The following CDH4 variants were observed in gnomAD, a reference collection of about 807,000 sequenced individuals.
CDH4 encodes cadherin 4.
In CDH4, 33 loss-of-function variants were observed where a neutral mutation model predicts 86.0. The ratio of observed to expected loss-of-function variants is 0.38; its 90% confidence interval spans 0.29 to 0.51. CDH4 has a LOEUF of 0.51. Among genes scored for constraint, CDH4 ranks in the 20% least tolerant of loss-of-function variants. The pLI is 0.86. For missense variants in CDH4, 1,114 were observed against 1,307.4 expected, an observed-to-expected ratio of 0.85 and a Z score of 2.28; for synonymous variants, 555 against 549.4, an observed-to-expected ratio of 1.01 and a Z score of -0.14.
In CDH4 at chr20:61,676,110, A is replaced by G. The variant is rs1255015441; in HGVS notation, c.170-67453A>G. ...TCAGCGAGGACCGAGTGTGGGGTCC[A>G]AGGTCTGAGACTTAATTCCAGGTTC... On this transcript the variant is annotated intron_variant, in intron 2 of 15. Coordinates refer to ENST00000614565, the MANE Select transcript of CDH4 (RefSeq NM_001794.5). This position sits in a 1 kb window ranked among gnomAD's most constrained non-coding sequence, Gnocchi z 4.5. Among the ~76,000 whole-genome samples the G allele has an allele frequency of 6.6e-6, 1 of 152,198 alleles. No homozygotes were observed. The highest frequency in any genetic ancestry group is 1.5e-5 in the Non-Finnish European group (1 of 68,022).
intron 2 of CDH4, chr20:61,719,083 G>A (rs73915369): frequency 0.011 from 4,990 of 471,130 alleles, 139 homozygotes; most frequent in African/African-American, 0.068. Flanking sequence ...GCTGGCGAAA[G>A]CAAATGATCA....
At chr20:61,332,149 C>T (rs1288124494) in intron 2 of CDH4, among the ~76,000 whole-genome samples, 9 of 152,158 alleles carry the variant, frequency 5.9e-5, no homozygotes, top group African/African-American at 2.2e-4. Flanking sequence ...TCAGTCACAC[C>T]CCCTCTGCCA....
intron 2 of CDH4, among the ~76,000 whole-genome samples, chr20:61,534,923 A>G (rs2085985523): frequency 6.6e-6 from 1 of 151,498 alleles, no homozygotes; most frequent in South Asian, 2.2e-4. Flanking sequence ...CCTTTGGAGC[A>G]GCCTCTGGTG....
At chr20:61,600,379 T>C (rs2086590591) in intron 2 of CDH4, among the ~76,000 whole-genome samples, 1 of 152,222 alleles carries the variant, frequency 6.6e-6, no homozygotes, top group Non-Finnish European at 1.5e-5. Flanking sequence ...CATGTTGTGA[T>C]TGAGGACACA....
At chr20:61,411,604 A>G (rs990206766) in intron 2 of CDH4, among the ~76,000 whole-genome samples, 1 of 151,968 alleles carries the variant, frequency 6.6e-6, no homozygotes, top group Non-Finnish European at 1.5e-5. Flanking sequence ...ACATTCAAAC[A>G]TGGCCTGCCA....
rs531526974 is a variant in CDH4 at position 61,586,480 on chromosome 20, G to C, written c.170-157083G>C. ...ATTGTGTTTCTGTGGCCTCCAGCCA[G>C]GGAGTGCCTGAGGGGGTGTTAAGGT... On this transcript the variant is annotated intron_variant, in intron 2 of 15. Coordinates refer to ENST00000614565, the MANE Select transcript of CDH4 (RefSeq NM_001794.5). 3.0e-4 allele frequency among the ~76,000 whole-genome samples: 46 copies of C among 152,332 alleles called. 1 individual carries two copies. The highest frequency in any genetic ancestry group is 1.0e-3 in the African/African-American group (43 of 41,574).
At chr20:61,426,479 T>C (rs2085215973) in intron 2 of CDH4, among the ~76,000 whole-genome samples, 2 of 152,160 alleles carry the variant, frequency 1.3e-5, no homozygotes, top group Admixed American at 6.5e-5. Context: ...GTAGGTAGAC[T>C]CTGGGTGACT....
At chr20:61,846,884 C>A (rs2146104997) in intron 5 of CDH4, among the ~76,000 whole-genome samples, 1 of 152,186 alleles carries the variant, frequency 6.6e-6, no homozygotes, top group African/African-American at 2.4e-5. Flanking sequence ...GCTGGGTCAG[C>A]CCACTTCTCC....
chr20:61,866,873 G>A (rs1006783963), intron 6 of CDH4, among the ~76,000 whole-genome samples: 11 of 152,348 alleles, frequency 7.2e-5, no homozygotes, highest in South Asian at 2.1e-4. Context: ...GCATGTTTTC[G>A]CAGTTGGCCG....
In CDH4 at chr20:61,754,706, C is replaced by T. The variant is rs1249505740; in HGVS notation, c.396+10917C>T. The stretch of plus-strand genomic sequence containing the variant: ...CACACCACACACACAGTGCATGCCA[C>T]ACACACCGCACACACACTGCACGCC... On this transcript the variant is annotated intron_variant, in intron 3 of 15. Coordinates refer to ENST00000614565, the MANE Select transcript of CDH4 (RefSeq NM_001794.5). The surrounding 1 kb of genome is among the most constrained non-coding windows in gnomAD (Gnocchi z 4.7). Among the ~76,000 whole-genome samples, 1 of 149,000 alleles carries T rather than the reference C, an allele frequency of 6.7e-6. No homozygotes were observed.
chr20:61,426,567 G>A (rs1445418429), intron 2 of CDH4, among the ~76,000 whole-genome samples: 1 of 152,198 alleles, frequency 6.6e-6, no homozygotes, highest in Non-Finnish European at 1.5e-5. Context: ...CTGCCTTTCC[G>A]CTGTATGTGT....
intron 2 of CDH4, among the ~76,000 whole-genome samples, chr20:61,679,020 C>T (rs550040568): frequency 1.6e-4 from 25 of 152,330 alleles, no homozygotes; most frequent in South Asian, 4.1e-4. Flanking sequence ...GGATTTCACA[C>T]GTGTCTCTGA....
intron 11 of CDH4, among the ~76,000 whole-genome samples, chr20:61,926,151 C>G (rs1040072673): frequency 2.6e-5 from 4 of 152,178 alleles, no homozygotes; most frequent in Admixed American, 2.0e-4. Flanking sequence ...TGGGAGAAAA[C>G]AAAACAGGCG....
chr20:61,929,630 T>TG lies in CDH4; in HGVS notation c.2028dup (p.Arg677AlafsTer11). ...CCAGGTGACTATGCCCAACTCAGCT[T>TG]GCGCATCCTGTACCTGGAGGCCGGG... is the stretch of plus-strand genomic sequence containing the variant. On this transcript the variant is annotated frameshift_variant, in exon 13 of 16. Coordinates refer to ENST00000614565, the MANE Select transcript of CDH4 (RefSeq NM_001794.5). LOFTEE classifies it high-confidence loss of function. 6.2e-7 allele frequency: 1 copy of TG among 1,613,958 alleles called. No homozygotes were observed.
intron 2 of CDH4, among the ~76,000 whole-genome samples, chr20:61,450,791 C>A (rs2085374996): frequency 1.3e-5 from 2 of 150,240 alleles, no homozygotes; most frequent in Admixed American, 6.6e-5. Context: ...GAACCCTGCT[C>A]TCCAATGGAG....
At chr20:61,841,274 CGGCGG>C (rs1421839564) in intron 4 of CDH4, among the ~76,000 whole-genome samples, 1 of 152,214 alleles carries the variant, frequency 6.6e-6, no homozygotes, top group Non-Finnish European at 1.5e-5. Flanking sequence ...CGCTCCCGGA[CGGCGG>C]GGCTGGTGGG....
intron 7 of CDH4, among the ~76,000 whole-genome samples, chr20:61,886,949 G>T (rs1003923251): frequency 1.3e-5 from 2 of 152,188 alleles, no homozygotes; most frequent in African/African-American, 4.8e-5. Flanking sequence ...TGAGGGCAAA[G>T]GGAGCAGCCC....
intron 2 of CDH4, among the ~76,000 whole-genome samples, chr20:61,642,584 A>C (rs1466489594): frequency 6.6e-6 from 1 of 152,174 alleles, no homozygotes; most frequent in East Asian, 1.9e-4. Context: ...CACGAACCGC[A>C]TGATCCTTAA....
intron 2 of CDH4, among the ~76,000 whole-genome samples, chr20:61,509,312 G>A (rs950393694): frequency 1.3e-5 from 2 of 151,924 alleles, no homozygotes; most frequent in East Asian, 1.9e-4. Context: ...ACCCGCCCAC[G>A]GAGGGACTCA....
Sources: allele counts gnomAD v4.1 joint callset (sites outside exome capture counted in the v4.1 genomes callset), GRCh38; gene constraint gnomAD v4.1.1; non-coding constraint Gnocchi (gnomAD v3.1); transcripts MANE v1.5; gene names NCBI Gene and HGNC (gene_info 2026-07-23, HGNC 2026-07-21).